Variants in PTPRK observed in about 807,000 individuals in gnomAD.
PTPRK encodes the protein receptor-type tyrosine-protein phosphatase kappa.
In PTPRK, 75 loss-of-function variants were observed where a neutral mutation model predicts 178.0. That is an observed-to-expected ratio of 0.42 (90% CI 0.35 to 0.51). The LOEUF (loss-of-function observed/expected upper bound fraction) is 0.51. Ranked by LOEUF, PTPRK falls within the 20% of genes least tolerant of loss-of-function variation. The pLI is 0.02. For missense variants in PTPRK, 1,441 were observed against 1,797.8 expected (o/e 0.80, Z 3.59); for synonymous variants, 637 against 620.6 (o/e 1.03, Z -0.39).
chr6:128,393,255 T>C (rs1336480370), intron 2 of PTPRK, among the ~76,000 whole-genome samples: 2 of 152,072 alleles, frequency 1.3e-5, no homozygotes, highest in Non-Finnish European at 2.9e-5. Context: ...CATGCCTGAC[T>C]AATTTTTCTA....
intron 1 of PTPRK, among the ~76,000 whole-genome samples, chr6:128,429,858 CATA>C (rs1025042725): frequency 1.3e-5 from 2 of 152,050 alleles, no homozygotes; most frequent in African/African-American, 4.8e-5. Context: ...GAACATCAAC[CATA>C]ATGAGATATA....
intron 7 of PTPRK, among the ~76,000 whole-genome samples, chr6:128,152,020 G>T (rs1265077042): frequency 6.6e-6 from 1 of 151,884 alleles, no homozygotes; most frequent in Non-Finnish European, 1.5e-5. Flanking sequence ...GCAGAGACCA[G>T]AGCACCAAAG....
At chr6:128,087,490 T>G (rs1434494914) in intron 8 of PTPRK, among the ~76,000 whole-genome samples, 2 of 152,202 alleles carry the variant, frequency 1.3e-5, no homozygotes, top group Non-Finnish European at 2.9e-5. Context: ...CTTCTCATTT[T>G]TATTATGTGC....
At chr6:128,333,117 AATC>A (rs2128326767) in intron 2 of PTPRK, among the ~76,000 whole-genome samples, 1 of 152,304 alleles carries the variant, frequency 6.6e-6, no homozygotes, top group African/African-American at 2.4e-5. Context: ...CCAATTTTGT[AATC>A]ATCACTCACC....
At chr6:128,031,582 G>T (rs921288007) in intron 13 of PTPRK, among the ~76,000 whole-genome samples, 1 of 152,018 alleles carries the variant, frequency 6.6e-6, no homozygotes, top group African/African-American at 2.4e-5. Context: ...TGTTGTTATT[G>T]TTGGGGAGGA....
At chr6:128,291,080 T>C (rs1823308573) in intron 3 of PTPRK, among the ~76,000 whole-genome samples, 1 of 152,112 alleles carries the variant, frequency 6.6e-6, no homozygotes, top group East Asian at 1.9e-4. Context: ...TCAGGTGACC[T>C]TGAAATGTGA....
intron 7 of PTPRK, among the ~76,000 whole-genome samples, chr6:128,128,986 AAAGT>A (rs1267979287): frequency 6.6e-6 from 1 of 152,234 alleles, no homozygotes; most frequent in Non-Finnish European, 1.5e-5. Context: ...CCCATTTTGA[AAAGT>A]AAGGCCTAAA....
At chr6:128,275,068 C>T (rs1184100858) in intron 3 of PTPRK, among the ~76,000 whole-genome samples, 1 of 152,010 alleles carries the variant, frequency 6.6e-6, no homozygotes, top group Non-Finnish European at 1.5e-5. Context: ...ACTTACCATG[C>T]ATATTTCCTT....
At chr6:128,065,679 A>AT (rs966311881) in intron 12 of PTPRK, among the ~76,000 whole-genome samples, 4 of 152,112 alleles carry the variant, frequency 2.6e-5, no homozygotes, top group Admixed American at 6.6e-5. Flanking sequence ...AGCATTTTTT[A>AT]TTTTTTTATT....
intron 1 of PTPRK, among the ~76,000 whole-genome samples, chr6:128,422,676 CAAAAAAAAAAAAA>C (rs750423577): frequency 2.0e-4 from 3 of 14,716 alleles, no homozygotes; most frequent in Non-Finnish European, 3.1e-4. Context: ...TTCACGGACG[CAAAAAAAAAAAAA>C]AAAAAAAAAA....
chr6:128,028,404 C>T (rs1213055575), intron 13 of PTPRK, among the ~76,000 whole-genome samples: 32 of 152,224 alleles, frequency 2.1e-4, no homozygotes, highest in Admixed American at 2.1e-3. Flanking sequence ...CCACCCTGCC[C>T]TCAAGATAAA....
chr6:127,977,759 A>T (rs1248629201), intron 25 of PTPRK, among the ~76,000 whole-genome samples: 1 of 152,302 alleles, frequency 6.6e-6, no homozygotes, highest in Admixed American at 6.5e-5. Flanking sequence ...ATAAGCGGGG[A>T]GATAGCTCCT....
chr6:128,223,489 G>A (rs1810771067), intron 5 of PTPRK, among the ~76,000 whole-genome samples: 1 of 151,846 alleles, frequency 6.6e-6, no homozygotes, highest in African/African-American at 2.4e-5. Flanking sequence ...TATATTACAT[G>A]ATGCTTATAT....
At chr6:128,144,200 G>A (rs1326125878) in intron 7 of PTPRK, among the ~76,000 whole-genome samples, 1 of 152,064 alleles carries the variant, frequency 6.6e-6, no homozygotes, top group Non-Finnish European at 1.5e-5. Context: ...CTATAGTGAA[G>A]GACAAGCCCC....
chr6:128,057,332 C>CCTTG (rs1238609881), intron 13 of PTPRK, among the ~76,000 whole-genome samples: 1 of 152,166 alleles, frequency 6.6e-6, no homozygotes, highest in East Asian at 1.9e-4. Flanking sequence ...GCAAAGTTGA[C>CCTTG]CTTGGACTGA....
chr6:127,999,298 C>G (rs2114685401), intron 15 of PTPRK, among the ~76,000 whole-genome samples: 2 of 152,034 alleles, frequency 1.3e-5, no homozygotes, highest in Middle Eastern at 3.4e-3. Flanking sequence ...AACTCCTTCC[C>G]AACCATATCC....
In PTPRK at chr6:128,227,476, C is replaced by A. The variant is rs192878162; in HGVS notation, c.694-8380G>T. Among the ~76,000 whole-genome samples, 61 of 152,254 alleles carry A rather than the reference C, an allele frequency of 4.0e-4. 1 individual carries two copies. Among genetic ancestry groups the A allele is most frequent in the Non-Finnish European group, 7.6e-4 (52 of 68,012 alleles). ...GGGAAATCCCAGAAATCCCAAAAGG[C>A]AAGCTGCCGTATTTTAAAACATAAC... On this transcript the variant is annotated intron_variant, in intron 5 of 29. Coordinates refer to ENST00000368226, the MANE Select transcript of PTPRK (RefSeq NM_002844.4).
At chr6:128,277,638 AAAG>A (rs1361749549) in intron 3 of PTPRK, among the ~76,000 whole-genome samples, 5 of 152,170 alleles carry the variant, frequency 3.3e-5, no homozygotes, top group Non-Finnish European at 2.9e-5. Flanking sequence ...TCTCCTGGCC[AAAG>A]AAGTGAAGGT....
In PTPRK at chr6:128,520,593, T is replaced by A. The variant is rs1262113027; in HGVS notation, c.-235A>T. ...CTCCATGCTCGGCGGAGGCTGCTCC[T>A]GTTAGTCAAGAGTTACTTTGCTCGG... On this transcript the variant is annotated 5_prime_UTR_variant, in exon 1 of 30. Transcript: ENST00000368226. 7.8e-6 allele frequency: 4 copies of A among 513,732 alleles called. No homozygotes were observed. The highest frequency in any genetic ancestry group is 2.6e-5 in the South Asian group (1 of 38,944). The allele number at this position is 513,732 out of a possible 1,614,324, so 31.8% of individuals were successfully genotyped here.
Sources: gnomAD v4.1 joint callset for allele counts (sites outside exome capture counted in the v4.1 genomes callset) on GRCh38, gnomAD v4.1.1 for gene constraint, MANE v1.5 for transcripts, NCBI Gene and HGNC (gene_info 2026-07-23, HGNC 2026-07-21) for gene names.